The following ADGRL2 variants were observed in gnomAD, a reference collection of about 807,000 sequenced individuals.
The protein encoded by ADGRL2 is adhesion G protein-coupled receptor L2, also known as calcium-independent alpha-latrotoxin receptor 2.
Under a neutral mutation model 157.4 loss-of-function variants are expected in ADGRL2, and 44 were observed. The observed-to-expected ratio is 0.28, with a 90% CI of 0.22 to 0.36. The LOEUF (loss-of-function observed/expected upper bound fraction) is 0.36. Among genes scored for constraint, ADGRL2 ranks in the 10% least tolerant of loss-of-function variants. The pLI, the probability that ADGRL2 is intolerant of heterozygous loss-of-function variation, is 1.00. For synonymous variants in ADGRL2, 585 were observed against 624.7 expected (o/e 0.94, Z 0.95); for missense variants, 1,510 against 1,768.9 (o/e 0.85, Z 2.63).
At chr1:81,853,347 A>G (rs902724176) in intron 2 of ADGRL2, among the ~76,000 whole-genome samples, 7 of 152,138 alleles carry the variant, frequency 4.6e-5, no homozygotes, top group South Asian at 2.1e-4. Context: ...TAGCAGGACA[A>G]TGTACGACTG....
chr1:81,551,853 C>T (rs1389262565), intron 2 of ADGRL2, among the ~76,000 whole-genome samples: 2 of 152,084 alleles, frequency 1.3e-5, no homozygotes, highest in Non-Finnish European at 2.9e-5. Context: ...TTAAGAATGT[C>T]CATTTGGAAA....
At chr1:81,374,878 C>T (rs1483214757) in intron 1 of ADGRL2, among the ~76,000 whole-genome samples, 2 of 152,186 alleles carry the variant, frequency 1.3e-5, no homozygotes, top group Admixed American at 1.3e-4. Flanking sequence ...GAAGATGATG[C>T]AAGACAGTAC....
chr1:81,904,738 T>G (rs1390891817), intron 2 of ADGRL2, among the ~76,000 whole-genome samples: 1 of 152,142 alleles, frequency 6.6e-6, no homozygotes, highest in Non-Finnish European at 1.5e-5. Flanking sequence ...TGAAACCTTG[T>G]CTCTACTAAG....
chr1:81,645,590 G>GTA (rs956141097), intron 3 of ADGRL2, among the ~76,000 whole-genome samples: 45 of 151,704 alleles, frequency 3.0e-4, no homozygotes, highest in African/African-American at 8.5e-4. Context: ...ACATATATAA[G>GTA]TATATATATA....
intron 3 of ADGRL2, among the ~76,000 whole-genome samples, chr1:81,629,125 T>G (rs575966011): frequency 2.0e-5 from 3 of 152,246 alleles, no homozygotes; most frequent in African/African-American, 7.2e-5. Context: ...TTAGAGACCT[T>G]GACAGTTTAG....
At chr1:81,448,377 C>G (rs1257366093) in intron 2 of ADGRL2, among the ~76,000 whole-genome samples, 1 of 151,908 alleles carries the variant, frequency 6.6e-6, no homozygotes, top group Non-Finnish European at 1.5e-5. Flanking sequence ...AACTCCTGAC[C>G]TCAGGTGATC....
intron 2 of ADGRL2, among the ~76,000 whole-genome samples, chr1:81,853,494 C>T (rs971252834): frequency 6.6e-6 from 1 of 151,950 alleles, no homozygotes; most frequent in African/African-American, 2.4e-5. Flanking sequence ...GTTTGTTGGC[C>T]CAGAGATCCT....
chr1:81,595,021 A>G (rs139861074), intron 3 of ADGRL2, among the ~76,000 whole-genome samples: 2,751 of 152,314 alleles, frequency 0.018, 34 homozygotes, highest in Middle Eastern at 0.031. Context: ...ACAGGTGCTA[A>G]GAAGGCAAAA....
intron 2 of ADGRL2, among the ~76,000 whole-genome samples, chr1:81,475,937 C>T (rs2078263220): frequency 6.6e-6 from 1 of 152,114 alleles, no homozygotes; most frequent in Admixed American, 6.6e-5. Flanking sequence ...GCATAAGTGC[C>T]TTGTATTTCC....
chr1:81,933,194 C>A lies in ADGRL2; in HGVS notation c.288-3534C>A, dbSNP rs144706981. On this transcript the variant is annotated intron_variant, in intron 3 of 23. Transcript: ENST00000686636. ...TAGTATCTGCTTCTTTATGATGAAC[C>A]GTAATTGTAGTTCCTTCAAATTGTA... Among the ~76,000 whole-genome samples the A allele has an allele frequency of 2.0e-5, 3 of 152,070 alleles. No homozygotes were observed. In the East Asian group the frequency reaches 5.8e-4, roughly 29 times the overall value.
At chr1:81,767,294 T>C (rs751330661) in intron 2 of ADGRL2, among the ~76,000 whole-genome samples, 1 of 152,168 alleles carries the variant, frequency 6.6e-6, no homozygotes, top group Non-Finnish European at 1.5e-5. Flanking sequence ...TTATTATTAT[T>C]ACACACAGTG....
chr1:81,841,208 G>C (rs1208644389), intron 2 of ADGRL2, among the ~76,000 whole-genome samples: 1 of 152,012 alleles, frequency 6.6e-6, no homozygotes, highest in Non-Finnish European at 1.5e-5. Context: ...TTATTTCAAA[G>C]AAAAATGTTC....
At chr1:81,466,679 G>GCA (rs5775620) in intron 2 of ADGRL2, among the ~76,000 whole-genome samples, 103,213 of 151,138 alleles carry the variant, frequency 0.68, 36,916 homozygotes, top group Non-Finnish European at 0.79. Flanking sequence ...TCACGCGCGC[G>GCA]CACACACACA....
chr1:81,980,473 A>G (rs1262153343), intron 18 of ADGRL2, among the ~76,000 whole-genome samples: 1 of 151,788 alleles, frequency 6.6e-6, no homozygotes, highest in Admixed American at 6.6e-5. Flanking sequence ...AGAAAATGCT[A>G]TCTAATTAAC....
At chr1:81,337,569 C>A (rs1053380870) in intron 1 of ADGRL2, among the ~76,000 whole-genome samples, 5 of 152,152 alleles carry the variant, frequency 3.3e-5, no homozygotes, top group African/African-American at 9.7e-5. Context: ...TCAGAGAAAT[C>A]ATCATTTGCT....
chr1:81,663,856 T>C (rs921711935), intron 3 of ADGRL2, among the ~76,000 whole-genome samples: 1 of 152,218 alleles, frequency 6.6e-6, no homozygotes, highest in Non-Finnish European at 1.5e-5. Flanking sequence ...GTACTTCTTG[T>C]ATATGATTTA....
chr1:81,978,401 A>G (rs1660769125), intron 17 of ADGRL2, among the ~76,000 whole-genome samples: 1 of 151,818 alleles, frequency 6.6e-6, no homozygotes, highest in Non-Finnish European at 1.5e-5. Flanking sequence ...CTTTTTCTCT[A>G]GATGTATTTT....
At chr1:81,309,053 G>A (rs114345609) in intron 1 of ADGRL2, among the ~76,000 whole-genome samples, 1 of 152,064 alleles carries the variant, frequency 6.6e-6, no homozygotes, top group East Asian at 1.9e-4. Context: ...CATCTTAAAA[G>A]GATGCTATGG....
chr1:81,376,505 T>A (rs78041983), intron 1 of ADGRL2, among the ~76,000 whole-genome samples: 11,540 of 152,106 alleles, frequency 0.076, 624 homozygotes, highest in Admixed American at 0.11. Context: ...ATGTCCTTTT[T>A]TTCCTCCTTC....
Sources: gnomAD v4.1 joint callset for allele counts (sites outside exome capture counted in the v4.1 genomes callset) on GRCh38, gnomAD v4.1.1 for gene constraint, MANE v1.5 for transcripts, NCBI Gene and HGNC (gene_info 2026-07-23, HGNC 2026-07-21) for gene names.